Variants in TOX observed in about 807,000 individuals in gnomAD.
TOX encodes the protein thymocyte selection-associated high mobility group box protein TOX.
In TOX, 11 loss-of-function variants were observed where a neutral mutation model predicts 53.7. The observed-to-expected ratio is 0.20, with a 90% CI of 0.13 to 0.34. TOX has a LOEUF of 0.34. Among genes scored for constraint, TOX ranks in the 10% least tolerant of loss-of-function variants. The probability of loss-of-function intolerance (pLI) is 1.00; values close to 1 mark genes in which losing one functional copy is unlikely to be tolerated. For missense variants in TOX, 570 were observed against 664.6 expected (o/e 0.86, Z 1.56); for synonymous variants, 225 against 245.3 (o/e 0.92, Z 0.77).
chr8:59,056,367 G>A (rs1219329514), intron 1 of TOX, among the ~76,000 whole-genome samples: 1 of 148,340 alleles, frequency 6.7e-6, no homozygotes, highest in African/African-American at 2.5e-5. Flanking sequence ...AGGAGGAAGG[G>A]GTTGCAGTGA....
At chr8:58,981,068 T>C (rs112043220) in intron 1 of TOX, among the ~76,000 whole-genome samples, 5,513 of 152,326 alleles carry the variant, frequency 0.036, 305 homozygotes, top group African/African-American at 0.12. Flanking sequence ...ATTAGCTTCA[T>C]TTTCTTGTTG....
chr8:59,004,067 T>C (rs1813744317), intron 1 of TOX, among the ~76,000 whole-genome samples: 1 of 152,208 alleles, frequency 6.6e-6, no homozygotes, highest in African/African-American at 2.4e-5. Flanking sequence ...TCTTCAGACA[T>C]AAGTCAGCAG....
chr8:59,091,896 G>A (rs1586014170), intron 1 of TOX, among the ~76,000 whole-genome samples: 1 of 151,978 alleles, frequency 6.6e-6, no homozygotes, highest in African/African-American at 2.4e-5. Flanking sequence ...GAAGCTTTAG[G>A]AATCCTCTTT....
intron 1 of TOX, among the ~76,000 whole-genome samples, chr8:59,077,391 G>C (rs1336752206): frequency 6.6e-6 from 1 of 152,192 alleles, no homozygotes; most frequent in Non-Finnish European, 1.5e-5. Context: ...GTTAAGTTTA[G>C]AGTGTCTTCT....
rs140910705 is a variant in TOX, at chr8:58,898,801, C to G, written c.411+40501G>C. On this transcript the variant is annotated intron_variant, in intron 3 of 8. Transcript: ENST00000361421. ...CAGAGGAGGTCAACCCCTTCTGTGT[C>G]TTGACCTTGGGAAATCAGTTGTATC... 3.2e-3 allele frequency among the ~76,000 whole-genome samples: 482 copies of G among 152,328 alleles called. 1 individual carries two copies. Among genetic ancestry groups the G allele is most frequent in the African/African-American group, 0.011 (454 of 41,564 alleles).
intron 1 of TOX, among the ~76,000 whole-genome samples, chr8:59,094,635 C>T (rs929107517): frequency 7.9e-5 from 12 of 151,692 alleles, no homozygotes; most frequent in Non-Finnish European, 1.6e-4. Flanking sequence ...TGAAAGACTT[C>T]GTAATTCAAA....
At chr8:58,964,984 T>C (rs901015029) in intron 1 of TOX, among the ~76,000 whole-genome samples, 4 of 152,110 alleles carry the variant, frequency 2.6e-5, no homozygotes, top group African/African-American at 9.7e-5. Context: ...TGAGCATTAT[T>C]AGTAACTATT....
In TOX at chr8:58,815,480, G is replaced by A. The variant is rs1192221703; in HGVS notation, c.1250C>T (p.Pro417Leu). 6.2e-7 allele frequency: 1 copy of A among 1,614,062 alleles called. No homozygotes were observed. Among genetic ancestry groups the A allele is most frequent in the South Asian group, 1.1e-5 (1 of 91,074 alleles). ...CGGGCTGATCTGGAGGGGAGGAGGA[G>A]GGGACACAGCCATGTTTGCTATAGA... ...TVSIANMAVS[P>L]PPPLQISPPL... The change falls in exon 7 of 9, where the codon CCT becomes CTT. Residue 417 changes from proline to leucine, a missense_variant. Physicochemically the swap from Pro to Leu is moderately conservative, Grantham distance 98 (BLOSUM62 -3). This residue lies in a region of TOX where 239 missense variants were observed against 250.7 expected (regional missense o/e 0.95). Coordinates refer to ENST00000361421, the MANE Select transcript of TOX (RefSeq NM_014729.3).
intron 3 of TOX, among the ~76,000 whole-genome samples, chr8:58,893,333 T>C (rs1378381069): frequency 6.6e-6 from 1 of 152,194 alleles, no homozygotes; most frequent in Non-Finnish European, 1.5e-5. Context: ...TCCGAAGACA[T>C]TGTTTATCTT....
intron 1 of TOX, among the ~76,000 whole-genome samples, chr8:59,084,141 T>C (rs893860779): frequency 6.6e-6 from 1 of 152,188 alleles, no homozygotes; most frequent in African/African-American, 2.4e-5. Flanking sequence ...AAATACTTAT[T>C]CCATTCACTG....
Position 58,851,718 on chromosome 8 carries a change from T to G in TOX, c.499A>C (p.Ile167Leu). 6.2e-7 allele frequency: 1 copy of G among 1,613,550 alleles called. No homozygotes were observed. Among genetic ancestry groups the G allele is most frequent in the Non-Finnish European group, 8.5e-7 (1 of 1,179,796 alleles). The change falls in exon 4 of 9, where the codon ATC becomes CTC. Residue 167 changes from isoleucine (I) to leucine (L), a missense_variant. Physicochemically the swap from Ile to Leu is conservative, Grantham distance 5. Coordinates refer to ENST00000361421, the MANE Select transcript of TOX (RefSeq NM_014729.3). The surrounding 1 kb of genome is among the most constrained non-coding windows in gnomAD (Gnocchi z 4.4). ...AMRPRGQPADIRQQPGMMPHG... is the reference protein window; with the variant it reads ...AMRPRGQPADLRQQPGMMPHG... ...GGCATCATTCCTGGCTGCTGCCTGA[T>G]GTCTGCAGGCTGGCCCCTTGGTCTC...
At chr8:59,033,093 GAAGTT>G (rs1363868366) in intron 1 of TOX, among the ~76,000 whole-genome samples, 1 of 151,916 alleles carries the variant, frequency 6.6e-6, no homozygotes, top group Non-Finnish European at 1.5e-5. Context: ...AAGGCTAAGA[GAAGTT>G]AAGATTCAAT....
At chr8:59,064,336 C>T (rs186442043) in intron 1 of TOX, among the ~76,000 whole-genome samples, 5 of 152,124 alleles carry the variant, frequency 3.3e-5, no homozygotes, top group Non-Finnish European at 7.3e-5. Flanking sequence ...ATCTGTCGTC[C>T]TCTAGTTTTC....
intron 1 of TOX, among the ~76,000 whole-genome samples, chr8:59,058,045 C>T (rs1425368712): frequency 6.6e-6 from 1 of 152,176 alleles, no homozygotes. Flanking sequence ...ACCAATATCC[C>T]TATCCTATTT....
intron 3 of TOX, among the ~76,000 whole-genome samples, chr8:58,929,800 T>C (rs760656534): frequency 1.3e-5 from 2 of 152,190 alleles, no homozygotes; most frequent in South Asian, 2.1e-4. Context: ...AAATGTTTAA[T>C]AGACATCAAT....
intron 1 of TOX, among the ~76,000 whole-genome samples, chr8:59,005,665 A>T (rs1276155408): frequency 1.3e-5 from 2 of 152,180 alleles, no homozygotes; most frequent in African/African-American, 4.8e-5. Flanking sequence ...ATTTTTTTTA[A>T]TGAGCATTAA....
intron 3 of TOX, among the ~76,000 whole-genome samples, chr8:58,880,776 T>A (rs1351661462): frequency 6.6e-6 from 1 of 152,232 alleles, no homozygotes; most frequent in Admixed American, 6.5e-5. Flanking sequence ...CCAGCTAAGT[T>A]ATTTATGGCT....
At chr8:58,922,973 G>A (rs1055549044) in intron 3 of TOX, among the ~76,000 whole-genome samples, 2 of 152,302 alleles carry the variant, frequency 1.3e-5, no homozygotes, top group Admixed American at 1.3e-4. Context: ...AAGCGCAAAG[G>A]TCATCCGGTG....
intron 3 of TOX, among the ~76,000 whole-genome samples, chr8:58,921,636 A>G (rs1055175785): frequency 2.6e-5 from 4 of 152,226 alleles, no homozygotes; most frequent in Non-Finnish European, 4.4e-5. Context: ...AAGAAAGAAA[A>G]AGAAAAAAAT....
Sources: allele counts gnomAD v4.1 joint callset (sites outside exome capture counted in the v4.1 genomes callset), GRCh38; gene constraint gnomAD v4.1.1; regional missense constraint gnomAD v4.1.1; non-coding constraint Gnocchi (gnomAD v3.1); transcripts MANE v1.5; gene names NCBI Gene and HGNC (gene_info 2026-07-23, HGNC 2026-07-21).